Variants in PCDHGA8 observed in about 807,000 individuals in gnomAD.
PCDHGA8 encodes protocadherin gamma-A8.
A neutral mutation model predicts 59.2 loss-of-function variants in PCDHGA8; 45 were observed. The observed-to-expected ratio is 0.76, with a 90% CI of 0.60 to 0.98. PCDHGA8 has a LOEUF of 0.98. PCDHGA8 is among the 50% of genes least tolerant of loss of function. PCDHGA8 has a pLI of 0.00. For missense variants in PCDHGA8, 1,257 were observed against 1,196.2 expected, an observed-to-expected ratio of 1.05 and a Z score of -0.75; for synonymous variants, 531 against 519.0, an observed-to-expected ratio of 1.02 and a Z score of -0.32.
In PCDHGA8 at chr5:141,486,056, C is replaced by T; in HGVS notation, c.2425-8751C>T. 6.2e-7 allele frequency: 1 copy of T among 1,614,170 alleles called. No homozygotes were observed. The highest frequency in any genetic ancestry group is 8.5e-7 in the Non-Finnish European group (1 of 1,180,026). ...TGATCGTGTAAGAAACCTCTTTAGC[C>T]TGCACCCCACTACTGGAAAGCTTAC... On this transcript the variant is annotated intron_variant, in intron 1 of 3. Transcript: ENST00000398604. The surrounding 1 kb of genome is among the most constrained non-coding windows in gnomAD (Gnocchi z 5.0).
chr5:141,414,116 A>C (rs760214999), intron 1 of PCDHGA8: 2 of 1,592,434 alleles, frequency 1.3e-6, no homozygotes, highest in Non-Finnish European at 1.7e-6. Context: ...CTAGATTATG[A>C]AGAAACCGGT....
chr5:141,408,796 A>G (rs2154540634), intron 1 of PCDHGA8: 1 of 1,612,808 alleles, frequency 6.2e-7, no homozygotes, highest in Non-Finnish European at 8.5e-7. Context: ...CTCTGGAGAA[A>G]CTCCTAGACC....
In PCDHGA8 at chr5:141,489,126, T is replaced by C; in HGVS notation, c.2425-5681T>C. ...TGCAAGCAGGCAAACCTCCGAGCAG[T>C]TTTTAAGAGGCTGGAAGGAGACATA... On this transcript the variant is annotated intron_variant, in intron 1 of 3. Coordinates refer to ENST00000398604, the MANE Select transcript of PCDHGA8 (RefSeq NM_032088.2). This position sits in a 1 kb window ranked among gnomAD's most constrained non-coding sequence, Gnocchi z 4.5. 1.7e-6 allele frequency: 1 copy of C among 585,136 alleles called. No individual in the cohort carries two copies. Among genetic ancestry groups the C allele is most frequent in the South Asian group, 3.2e-5 (1 of 31,406 alleles). The allele number at this position is 585,136 out of a possible 1,614,324, so 36.2% of individuals were successfully genotyped here. A position where few individuals can be genotyped will look rare whatever the true frequency, so the allele number is the denominator to read the frequency against.
intron 1 of PCDHGA8, chr5:141,404,272 G>A (rs2094505108): frequency 6.2e-7 from 1 of 1,613,834 alleles, no homozygotes; most frequent in Non-Finnish European, 8.5e-7. Flanking sequence ...ACATCACCCT[G>A]CAAGTGACTG....
chr5:141,498,713 C>T (rs1216279302), intron 2 of PCDHGA8, among the ~76,000 whole-genome samples: 1 of 152,148 alleles, frequency 6.6e-6, no homozygotes, highest in East Asian at 1.9e-4. Flanking sequence ...GGGTGGATCA[C>T]CTGAGGTCAG....
chr5:141,450,948 C>T (rs1250110393), intron 1 of PCDHGA8, among the ~76,000 whole-genome samples: 2 of 151,870 alleles, frequency 1.3e-5, no homozygotes, highest in East Asian at 3.9e-4. Flanking sequence ...CCTCAGCCTC[C>T]CAAGTAGCTG....
rs1207371456 is a variant in PCDHGA8 at position 141,487,371 on chromosome 5, G to A, written c.2425-7436G>A. On this transcript the variant is annotated intron_variant, in intron 1 of 3. Transcript: ENST00000398604. The surrounding 1 kb of genome is among the most constrained non-coding windows in gnomAD (Gnocchi z 5.0). ...TGCTTTCCTGCTGGCACCTGTGCCT[G>A]TCTCACCAGATCTCGAAGGAGGGAG... The A allele has an allele frequency of 4.3e-6, 7 of 1,614,076 alleles. No individual in the cohort carries two copies. In the Admixed American group the frequency reaches 5.0e-5, roughly 12 times the overall value.
At chr5:141,460,666 C>G (rs1245201344) in intron 1 of PCDHGA8, among the ~76,000 whole-genome samples, 1 of 151,670 alleles carries the variant, frequency 6.6e-6, no homozygotes, top group South Asian at 2.1e-4. Context: ...ACTGTAAACA[C>G]AGTTATATAT....
intron 3 of PCDHGA8, among the ~76,000 whole-genome samples, chr5:141,505,875 T>C (rs991981462): frequency 2.6e-4 from 40 of 152,140 alleles, no homozygotes; most frequent in African/African-American, 9.2e-4. Flanking sequence ...AAAGGGTTGT[T>C]GTAGAGATTA....
At chr5:141,463,834 A>G (rs1212299231) in intron 1 of PCDHGA8, among the ~76,000 whole-genome samples, 4 of 152,108 alleles carry the variant, frequency 2.6e-5, no homozygotes, top group East Asian at 1.9e-4. Flanking sequence ...TCCACTTCCC[A>G]GTTGTTATAG....
At chr5:141,408,932 A>C in intron 1 of PCDHGA8, 1 of 1,613,594 alleles carries the variant, frequency 6.2e-7, no homozygotes, top group South Asian at 1.1e-5. Context: ...GGTTTTCAGC[A>C]GAGACGAATA....
chr5:141,427,530 T>C (rs1302316196), intron 1 of PCDHGA8: 3 of 619,732 alleles, frequency 4.8e-6, no homozygotes, highest in Non-Finnish European at 9.0e-6. Context: ...GATCCCGGAG[T>C]ACAACGTCAC....
intron 1 of PCDHGA8, among the ~76,000 whole-genome samples, chr5:141,459,619 A>G (rs995987344): frequency 6.6e-6 from 1 of 152,238 alleles, no homozygotes; most frequent in Non-Finnish European, 1.5e-5. Context: ...TTAACTTTAT[A>G]AGAAGCTGCC....
At chr5:141,427,803 G>A (rs781324396) in intron 1 of PCDHGA8, 2 of 1,511,804 alleles carry the variant, frequency 1.3e-6, no homozygotes, top group Admixed American at 1.7e-5. Context: ...GTCCGTGAGC[G>A]CACAGAGCGG....
At chr5:141,422,592 C>T (rs2096658264) in intron 1 of PCDHGA8, 1 of 1,614,090 alleles carries the variant, frequency 6.2e-7, no homozygotes. Flanking sequence ...TTTTTCCTCA[C>T]TCCTCTTACT....
At position 141,476,499 on chromosome 5, in the gene PCDHGA8, T is replaced by A. The variant is rs763373223; in HGVS notation, c.2425-18308T>A. On this transcript the variant is annotated intron_variant, in intron 1 of 3. Coordinates refer to ENST00000398604, the MANE Select transcript of PCDHGA8 (RefSeq NM_032088.2). This position sits in a 1 kb window ranked among gnomAD's most constrained non-coding sequence, Gnocchi z 7.6. Reference sequence around the variant, plus strand: ...AGCGTGGAAGTGGTGATCCAGGACATCAACGACAACAATCCTGCTTTCCCT... The same window carrying A: ...AGCGTGGAAGTGGTGATCCAGGACAACAACGACAACAATCCTGCTTTCCCT... 3.1e-6 allele frequency: 5 copies of A among 1,613,992 alleles called. No individual in the cohort carries two copies. The South Asian group carries it at 5.5e-5, about 18-fold the overall frequency.
chr5:141,475,749 A>G (rs1039777629), intron 1 of PCDHGA8, among the ~76,000 whole-genome samples: 13 of 152,278 alleles, frequency 8.5e-5, no homozygotes, highest in Admixed American at 6.5e-5. Context: ...TAGGTTTCCT[A>G]TGCACCGATA....
intron 1 of PCDHGA8, chr5:141,408,047 A>C (rs1038145479): frequency 2.4e-6 from 3 of 1,243,316 alleles, no homozygotes; most frequent in Non-Finnish European, 3.2e-6. Context: ...GCTCCCACAC[A>C]GAGCCTCCCG....
At chr5:141,404,484 C>G in intron 1 of PCDHGA8, 1 of 1,613,504 alleles carries the variant, frequency 6.2e-7, no homozygotes, top group East Asian at 2.2e-5. Context: ...AACTCAGACA[C>G]TGGTGTGCTG....
Sources: gnomAD v4.1 joint callset for allele counts (sites outside exome capture counted in the v4.1 genomes callset) on GRCh38, gnomAD v4.1.1 for gene constraint, Gnocchi (gnomAD v3.1) non-coding constraint, MANE v1.5 for transcripts, NCBI Gene and HGNC (gene_info 2026-07-23, HGNC 2026-07-21) for gene names.